SYT16: variants seen among roughly 807,000 people sequenced by gnomAD.
SYT16 encodes the protein synaptotagmin-16.
A neutral mutation model predicts 61.4 loss-of-function variants in SYT16; 42 were observed. That is an observed-to-expected ratio of 0.68 (90% confidence interval 0.53 to 0.89). The LOEUF (loss-of-function observed/expected upper bound fraction) is 0.89, where lower values mean the gene tolerates loss of function less well. Ranked by LOEUF, SYT16 falls within the 40% of genes least tolerant of loss-of-function variation. SYT16 has a pLI of 0.00. For synonymous variants in SYT16, 314 were observed against 302.3 expected, an observed-to-expected ratio of 1.04 and a Z score of -0.40; for missense variants, 804 against 807.3, an observed-to-expected ratio of 1.00 and a Z score of 0.05.
intron 1 of SYT16, among the ~76,000 whole-genome samples, chr14:61,867,444 G>GTCTTCAGTGAATTTCCCCAGTTTC (rs1434598323): frequency 1.2e-4 from 19 of 152,104 alleles, no homozygotes; most frequent in African/African-American, 4.6e-4. Flanking sequence ...TTGCTAGTTT[G>GTCTTCAGTGAATTTCCCCAGTTTC]TCTTCAGTGA....
At chr14:61,934,135 TA>T (rs1480992646) in intron 1 of SYT16, among the ~76,000 whole-genome samples, 1 of 152,222 alleles carries the variant, frequency 6.6e-6, no homozygotes, top group Non-Finnish European at 1.5e-5. Flanking sequence ...TTTCTATGCT[TA>T]TAACATTCAT....
chr14:61,948,263 C>T (rs1205366626), intron 1 of SYT16, among the ~76,000 whole-genome samples: 1 of 151,980 alleles, frequency 6.6e-6, no homozygotes, highest in Admixed American at 6.6e-5. Context: ...CATTTTTCAG[C>T]CATGTTCGTG....
At chr14:62,037,123 G>A (rs1205093040) in intron 3 of SYT16, among the ~76,000 whole-genome samples, 1 of 152,142 alleles carries the variant, frequency 6.6e-6, no homozygotes, top group East Asian at 1.9e-4. Flanking sequence ...TTTTGCCTCT[G>A]AGCTACAGTC....
intron 1 of SYT16, among the ~76,000 whole-genome samples, chr14:61,847,201 A>G (rs2046470659): frequency 1.3e-5 from 2 of 152,186 alleles, no homozygotes; most frequent in South Asian, 4.1e-4. Flanking sequence ...TCCTAATTGA[A>G]GTACTTCCTT....
chr14:61,880,442 G>A (rs963361815), intron 1 of SYT16, among the ~76,000 whole-genome samples: 2 of 152,094 alleles, frequency 1.3e-5, no homozygotes, highest in African/African-American at 2.4e-5. Context: ...ATGTGAATCA[G>A]CTTTTTTTGG....
chr14:61,843,585 G>C (rs1237391765), intron 1 of SYT16, among the ~76,000 whole-genome samples: 1 of 152,170 alleles, frequency 6.6e-6, no homozygotes, highest in East Asian at 1.9e-4. Flanking sequence ...TTTTGTAAAA[G>C]GCAAGAGATA....
intron 1 of SYT16, among the ~76,000 whole-genome samples, chr14:61,852,632 G>T (rs149935020): frequency 6.6e-6 from 1 of 151,916 alleles, no homozygotes; most frequent in Non-Finnish European, 1.5e-5. Context: ...GAGGTTCTTC[G>T]CTTCCCTTGT....
intron 3 of SYT16, among the ~76,000 whole-genome samples, chr14:62,049,366 G>A (rs928286513): frequency 6.6e-6 from 1 of 152,098 alleles, no homozygotes; most frequent in Non-Finnish European, 1.5e-5. Flanking sequence ...GAGCATATAT[G>A]TGTCTCTGCA....
intron 1 of SYT16, among the ~76,000 whole-genome samples, chr14:61,853,939 C>T (rs2046693990): frequency 6.6e-6 from 1 of 152,088 alleles, no homozygotes; most frequent in African/African-American, 2.4e-5. Flanking sequence ...CTAAATGTGT[C>T]TCTATATACA....
chr14:61,987,109 T>C (rs1238379033), intron 2 of SYT16, among the ~76,000 whole-genome samples: 2 of 152,162 alleles, frequency 1.3e-5, no homozygotes, highest in Admixed American at 1.3e-4. Flanking sequence ...GTGTGGATTA[T>C]GGCGGGGGGA....
intron 1 of SYT16, among the ~76,000 whole-genome samples, chr14:61,952,647 A>G (rs2050718471): frequency 6.6e-6 from 1 of 152,184 alleles, no homozygotes; most frequent in Non-Finnish European, 1.5e-5. Flanking sequence ...ATAGCACCCC[A>G]TGTATACCCC....
intron 3 of SYT16, among the ~76,000 whole-genome samples, chr14:62,028,954 G>A (rs2054204034): frequency 6.6e-6 from 1 of 152,148 alleles, no homozygotes; most frequent in Non-Finnish European, 1.5e-5. Context: ...GACAAATGTG[G>A]AATGTTTTAA....
chr14:62,069,683 G>T lies in SYT16; in HGVS notation c.604G>T (p.Val202Leu), dbSNP rs376984067. 5 of 1,613,958 alleles carry T rather than the reference G, an allele frequency of 3.1e-6. No homozygotes were observed. The highest frequency in any genetic ancestry group is 4.2e-6 in the Non-Finnish European group (5 of 1,179,878). Residue 202 changes from valine (V) to leucine (L), a missense_variant, in exon 4 of 8, where the codon GTG (valine) becomes TTG (leucine). Physicochemically the swap from Val to Leu is conservative, Grantham distance 32. Coordinates refer to ENST00000683842, the MANE Select transcript of SYT16 (RefSeq NM_001367656.1). ...EEVIKQFEIS[V>L]SRSQSFRSVT... ...GGTGATCAAACAATTTGAGATTTCC[G>T]TGTCCCGGTCCCAGAGTTTCCGTTC...
intron 5 of SYT16, chr14:62,079,438 C>G: frequency 2.4e-6 from 2 of 840,320 alleles, no homozygotes; most frequent in Non-Finnish European, 3.2e-6. Context: ...GGTACCATCT[C>G]CATTTTACAG....
chr14:61,999,846 T>C (rs1392274989), intron 3 of SYT16, among the ~76,000 whole-genome samples: 1 of 151,828 alleles, frequency 6.6e-6, no homozygotes, highest in African/African-American at 2.4e-5. Flanking sequence ...AAGTTCCAAA[T>C]ATTGGGAATA....
At chr14:62,016,510 G>A (rs1459287408) in intron 3 of SYT16, among the ~76,000 whole-genome samples, 4 of 144,592 alleles carry the variant, frequency 2.8e-5, no homozygotes, top group Admixed American at 2.1e-4. Context: ...TGGCTAACAC[G>A]GTGTGAAACC....
chr14:62,019,821 G>A (rs759971129), intron 3 of SYT16, among the ~76,000 whole-genome samples: 2 of 152,058 alleles, frequency 1.3e-5, no homozygotes, highest in Non-Finnish European at 2.9e-5. Context: ...TTTTCCTGGG[G>A]CTCCTGTGAA....
chr14:62,011,683 A>G (rs2053455432), intron 3 of SYT16, among the ~76,000 whole-genome samples: 1 of 152,030 alleles, frequency 6.6e-6, no homozygotes. Flanking sequence ...CCACAGCTCT[A>G]TTAGAGGAGT....
intron 1 of SYT16, among the ~76,000 whole-genome samples, chr14:61,859,040 T>G (rs2046877363): frequency 6.6e-6 from 1 of 151,652 alleles, no homozygotes; most frequent in Non-Finnish European, 1.5e-5. Context: ...TTTGTATTTT[T>G]AGTAGAGACG....
Sources: gnomAD v4.1 joint callset for allele counts (sites outside exome capture counted in the v4.1 genomes callset) on GRCh38, gnomAD v4.1.1 for gene constraint, MANE v1.5 for transcripts, NCBI Gene and HGNC (gene_info 2026-07-23, HGNC 2026-07-21) for gene names.